Variants in ZNF324B observed in about 807,000 individuals in gnomAD.
The protein encoded by ZNF324B is zinc finger protein 324B.
In ZNF324B, 7 loss-of-function variants were observed where a neutral mutation model predicts 10.6. The ratio of observed to expected loss-of-function variants is 0.66; its 90% confidence interval spans 0.38 to 1.24. ZNF324B has a LOEUF of 1.24. ZNF324B is among the 50% of genes most tolerant of loss of function. The pLI, the probability that ZNF324B is intolerant of heterozygous loss-of-function variation, is 0.02. For synonymous variants in ZNF324B, 316 were observed against 321.0 expected (o/e 0.98, Z 0.17); for missense variants, 640 against 764.7 (o/e 0.84, Z 1.92).
the ZNF324B span, among the ~76,000 whole-genome samples, chr19:58,427,385 T>TTCCTTC: frequency 1.5e-4 from 7 of 45,574 alleles, 1 homozygote; most frequent in African/African-American, 8.1e-4. Context: ...TTTCTTTCTT[T>TTCCTTC]CTTTCTTTCT....
chr19:58,427,446 T>C, the ZNF324B span, among the ~76,000 whole-genome samples: 1,657 of 67,488 alleles, frequency 0.025, 34 homozygotes, highest in East Asian at 0.051. Context: ...TTCCTTCCTT[T>C]CCTTTCCCTT....
chr19:58,421,292 G>T, the ZNF324B span, among the ~76,000 whole-genome samples: 21 of 152,106 alleles, frequency 1.4e-4, no homozygotes, highest in Non-Finnish European at 1.6e-4. Context: ...ATTTTCCATT[G>T]CTCCCCCACT....
At chr19:58,420,418 C>CAA in the ZNF324B span, among the ~76,000 whole-genome samples, 1 of 135,102 alleles carries the variant, frequency 7.4e-6, no homozygotes, top group Non-Finnish European at 1.6e-5. Context: ...GACTCTGTCT[C>CAA]AAAAAAAAAA....
chr19:58,430,649 T>A, the ZNF324B span: 1 of 152,256 alleles, frequency 6.6e-6, no homozygotes, highest in Non-Finnish European at 1.5e-5. Context: ...CTGAAGACCA[T>A]CCCACATTCC....
At chr19:58,426,936 T>C in the ZNF324B span, among the ~76,000 whole-genome samples, 2 of 152,182 alleles carry the variant, frequency 1.3e-5, no homozygotes, top group African/African-American at 4.8e-5. Context: ...GCTGGTAACC[T>C]GGACAGCTCA....
At chr19:58,422,898 C>T in the ZNF324B span, among the ~76,000 whole-genome samples, 1 of 152,182 alleles carries the variant, frequency 6.6e-6, no homozygotes, top group African/African-American at 2.4e-5. Flanking sequence ...GAGACAGAGT[C>T]TCGCTCTGTT....
chr19:58,452,629 G>A (rs1396972546), intron 1 of ZNF324B: 3 of 828,764 alleles, frequency 3.6e-6, no homozygotes, highest in Non-Finnish European at 4.4e-6. Flanking sequence ...AGGAAAGCAG[G>A]TTTCCTTCAG....
chr19:58,437,111 AT>A, the ZNF324B span: 4 of 1,614,182 alleles, frequency 2.5e-6, no homozygotes, highest in Non-Finnish European at 3.4e-6. Context: ...TCTGGGCTGC[AT>A]CAAGGAGCTC....
the ZNF324B span, chr19:58,442,420 C>G: frequency 6.6e-6 from 1 of 151,490 alleles, no homozygotes; most frequent in Non-Finnish European, 1.5e-5. Flanking sequence ...ATGATCCACC[C>G]GCCTCGGCCT....
rs2052906363 is a variant in ZNF324B, at chr19:58,455,448, C to A, written c.504C>A (p.Pro168=). The change falls in exon 4 of 4, where the codon CCC becomes CCA. Residue 168 remains proline (P), a synonymous_variant. Coordinates refer to ENST00000336614, the MANE Select transcript of ZNF324B (RefSeq NM_207395.3). This position sits in a 1 kb window ranked among gnomAD's most constrained non-coding sequence, Gnocchi z 7.0. ...ISLRLTSPLR[P]PKSSRPREKT... ...TGCGACTGACCTCCCCACTCAGGCCCCCCAAGAGCAGCCGGCCCAGGGAAA... is the reference window on the plus strand; with the variant it reads ...TGCGACTGACCTCCCCACTCAGGCCACCCAAGAGCAGCCGGCCCAGGGAAA... The A allele has an allele frequency of 6.2e-7, 1 of 1,614,156 alleles. No homozygotes were observed. Among genetic ancestry groups the A allele is most frequent in the Non-Finnish European group, 8.5e-7 (1 of 1,180,002 alleles).
the ZNF324B span, chr19:58,443,916 C>T: frequency 1.3e-5 from 2 of 152,364 alleles, no homozygotes; most frequent in East Asian, 3.9e-4. Flanking sequence ...TTGATGAGAG[C>T]TGTATAGGAT....
chr19:58,437,300 T>C, the ZNF324B span: 50 of 1,425,914 alleles, frequency 3.5e-5, no homozygotes, highest in Non-Finnish European at 4.6e-5. Flanking sequence ...CTACCACTAA[T>C]ATCTCTTTTT....
chr19:58,427,288 C>CTTTT, the ZNF324B span, among the ~76,000 whole-genome samples: 1 of 79,732 alleles, frequency 1.3e-5, no homozygotes, highest in African/African-American at 4.1e-5. Flanking sequence ...CCATGCCTGG[C>CTTTT]TTTTTTCTTT....
chr19:58,433,194 G>T, the ZNF324B span: 1 of 981,634 alleles, frequency 1.0e-6, no homozygotes, highest in Non-Finnish European at 1.5e-6. Flanking sequence ...GTCAGAAACA[G>T]AGTAGCTTCT....
rs1429831332 is a variant in ZNF324B at position 58,455,684 on chromosome 19, G to C, written c.740G>C (p.Gly247Ala). 2.5e-6 allele frequency: 4 copies of C among 1,613,450 alleles called. No homozygotes were observed. Among genetic ancestry groups the C allele is most frequent in the African/African-American group, 2.7e-5 (2 of 74,912 alleles). ...GAGCCCTCGACCTGGGACGAGCTGG[G>C]CGAGGCTCTTCACGCTGGGGAGAAG... is the stretch of plus-strand genomic sequence containing the variant. ...GQEPSTWDELGEALHAGEKSF... is the reference protein window; with the variant it reads ...GQEPSTWDELAEALHAGEKSF... The change falls in exon 4 of 4, where the codon GGC becomes GCC. Residue 247 changes from glycine to alanine, a missense_variant. Coordinates refer to ENST00000336614, the MANE Select transcript of ZNF324B (RefSeq NM_207395.3). The surrounding 1 kb of genome is among the most constrained non-coding windows in gnomAD (Gnocchi z 7.0).
rs1261521330 is a variant in ZNF324B at position 58,456,591 on chromosome 19, G to A, written c.*12G>A. The stretch of plus-strand genomic sequence containing the variant: ...CAGCGAAGGTCTGAGGTCACAGGTC[G>A]CAGCCCAACCCTTTCTTGGCCTTCT... On this transcript the variant is annotated 3_prime_UTR_variant, in exon 4 of 4. Transcript: ENST00000336614. The surrounding 1 kb of genome is among the most constrained non-coding windows in gnomAD (Gnocchi z 4.7). 6.8e-6 allele frequency: 11 copies of A among 1,609,372 alleles called. No individual in the cohort carries two copies. The highest frequency in any genetic ancestry group is 1.1e-5 in the South Asian group (1 of 90,438).
the ZNF324B span, chr19:58,432,148 T>C: frequency 2.7e-6 from 1 of 369,202 alleles, no homozygotes; most frequent in Non-Finnish European, 5.4e-6. Context: ...TGTGTGTTAG[T>C]GACCAGAAAC....
At chr19:58,430,485 T>A in the ZNF324B span, 1 of 152,398 alleles carries the variant, frequency 6.6e-6, no homozygotes, top group Middle Eastern at 3.4e-3. Flanking sequence ...GCTGTGGCTT[T>A]CCCACATTTG....
chr19:58,438,802 G>A, the ZNF324B span, among the ~76,000 whole-genome samples: 6 of 144,042 alleles, frequency 4.2e-5, no homozygotes, highest in South Asian at 2.2e-4. Context: ...ACAGAGTCTC[G>A]CTCTGTCACT....
Sources: allele counts gnomAD v4.1 joint callset (sites outside exome capture counted in the v4.1 genomes callset), GRCh38; gene constraint gnomAD v4.1.1; non-coding constraint Gnocchi (gnomAD v3.1); transcripts MANE v1.5; gene names NCBI Gene and HGNC (gene_info 2026-07-23, HGNC 2026-07-21).